Variants in NPFFR1 observed in about 807,000 individuals in gnomAD.
The protein encoded by NPFFR1 is G-protein coupled receptor 147.
NPFFR1 carries 17 observed loss-of-function variants against 12.7 expected under a neutral mutation model. The observed-to-expected ratio is 1.34, with a 90% confidence interval of 0.92 to 2.01. NPFFR1 has a LOEUF of 2.01. Among genes scored for constraint, NPFFR1 ranks in the 30% most tolerant of loss-of-function variants. The pLI, the probability that NPFFR1 is intolerant of heterozygous loss-of-function variation, is 0.00. For missense variants in NPFFR1, 604 were observed against 606.5 expected (o/e 1.00, Z 0.04); for synonymous variants, 296 against 264.5 (o/e 1.12, Z -1.16).
Position 70,249,440 on chromosome 10 carries a change from T to C in NPFFR1, c.*5517A>G, listed in dbSNP as rs993592238. The C allele has an allele frequency of 1.3e-5, 2 of 151,112 alleles. No homozygotes were observed. The highest frequency in any genetic ancestry group is 4.9e-5 in the African/African-American group (2 of 41,124). 9.4% of individuals were successfully genotyped at this position (151,112 alleles called of 1,614,324 possible). A position where few individuals can be genotyped will look rare whatever the true frequency, so the allele number is the denominator to read the frequency against. ...ATATTCACAAAAAAATCCCTTAGAG[T>C]TAGGGCAAGTTTTTGTGCTAAAGTC... On this transcript the variant is annotated 3_prime_UTR_variant, in exon 4 of 4. Transcript: ENST00000277942.
chr10:70,261,023 T>G (rs183174901), intron 2 of NPFFR1, among the ~76,000 whole-genome samples: 1 of 152,268 alleles, frequency 6.6e-6, no homozygotes. Flanking sequence ...CAGTCAGCCT[T>G]GCAGAACCTG....
rs191819029 is a variant in NPFFR1, at chr10:70,264,327, T to C, written c.322+1750A>G. Among the ~76,000 whole-genome samples, 758 of 120,200 alleles carry C rather than the reference T, an allele frequency of 6.3e-3. 11 individuals carry two copies. Among genetic ancestry groups the C allele is most frequent in the African/African-American group, 0.024 (715 of 30,008 alleles). The allele number at this position is 120,200 out of a possible 152,430, so 78.9% of individuals were successfully genotyped here. On this transcript the variant is annotated intron_variant, in intron 2 of 3. Coordinates refer to ENST00000277942, the MANE Select transcript of NPFFR1 (RefSeq NM_022146.5). ...AGGCGGAGGTTGCAGTGAGCCGAGA[T>C]CCCAGCACTGCATTCCAGCCCGGGT...
intron 3 of NPFFR1, among the ~76,000 whole-genome samples, chr10:70,257,344 C>G (rs1050568061): frequency 5.3e-5 from 8 of 152,318 alleles, no homozygotes; most frequent in African/African-American, 1.9e-4. Flanking sequence ...TTTGCCCCAG[C>G]CATTTTGACC....
chr10:70,264,387 AAAAGAAAGAAAAAAT>A (rs1840668261), intron 2 of NPFFR1, among the ~76,000 whole-genome samples: 1 of 148,758 alleles, frequency 6.7e-6, no homozygotes, highest in Non-Finnish European at 1.5e-5. Context: ...AAAAAAAAAA[AAAAGAAAGAAAAAAT>A]AGTGAAGCTG....
chr10:70,272,211 G>GAAAGAAAGAAAGAAAGGAA (rs10664195), intron 1 of NPFFR1, among the ~76,000 whole-genome samples: 15 of 55,846 alleles, frequency 2.7e-4, no homozygotes, highest in African/African-American at 1.0e-3. Flanking sequence ...AAGAAAGAAA[G>GAAAGAAAGAAAGAAAGGAA]GAAAGAAAGA....
At chr10:70,277,784 T>A (rs927281504) in intron 1 of NPFFR1, among the ~76,000 whole-genome samples, 1 of 152,144 alleles carries the variant, frequency 6.6e-6, no homozygotes, top group Admixed American at 6.5e-5. Context: ...GGGGAGCAGA[T>A]CTGATTTGCT....
At chr10:70,257,668 A>C (rs191118349) in intron 3 of NPFFR1, among the ~76,000 whole-genome samples, 1,816 of 152,348 alleles carry the variant, frequency 0.012, 54 homozygotes, top group African/African-American at 0.042. Flanking sequence ...GTGGATTAGT[A>C]AAAGAGGAAA....
At chr10:70,266,540 T>C in intron 1 of NPFFR1, 149 bp from the exon 2 acceptor site, 1 of 646,894 alleles carries the variant, frequency 1.5e-6, no homozygotes, top group Non-Finnish European at 2.7e-6. Flanking sequence ...CTTGATGCAC[T>C]GATCCAAGAC....
chr10:70,258,986 G>A (rs570871745), intron 3 of NPFFR1, among the ~76,000 whole-genome samples: 1 of 152,106 alleles, frequency 6.6e-6, no homozygotes, highest in Non-Finnish European at 1.5e-5. Flanking sequence ...TGACCTACTG[G>A]CTTCATACTT....
chr10:70,266,801 G>C (rs1190722197), intron 1 of NPFFR1, among the ~76,000 whole-genome samples: 1 of 152,354 alleles, frequency 6.6e-6, no homozygotes, highest in South Asian at 2.1e-4. Flanking sequence ...GGAGCAGAGA[G>C]AGAGGTCAGG....
Position 70,251,814 on chromosome 10 carries a change from T to C in NPFFR1, c.*3143A>G, listed in dbSNP as rs187226598. 1 of 152,332 alleles carries C rather than the reference T, an allele frequency of 6.6e-6. No homozygotes were observed. Among genetic ancestry groups the C allele is most frequent in the African/African-American group, 2.4e-5 (1 of 41,556 alleles). The allele number at this position is 152,332 out of a possible 1,614,324, so 9.4% of individuals were successfully genotyped here. ...TCAGAACATAGGAATCCAGTGAGGA[T>C]AATAAATCTATAATTATAAAATAGC... is the stretch of plus-strand genomic sequence containing the variant. On this transcript the variant is annotated 3_prime_UTR_variant, in exon 4 of 4. Transcript: ENST00000277942.
chr10:70,257,941 A>G (rs751801974), intron 3 of NPFFR1, among the ~76,000 whole-genome samples: 94 of 152,268 alleles, frequency 6.2e-4, no homozygotes, highest in Middle Eastern at 3.4e-3. Context: ...ATTATGACAT[A>G]GATTCTATTG....
chr10:70,270,112 T>C (rs1335127126), intron 1 of NPFFR1, among the ~76,000 whole-genome samples: 1 of 152,248 alleles, frequency 6.6e-6, no homozygotes, highest in Non-Finnish European at 1.5e-5. Flanking sequence ...ATCTTCCCTG[T>C]CTTGTTGGTG....
At chr10:70,263,641 A>G (rs542672318) in intron 2 of NPFFR1, among the ~76,000 whole-genome samples, 2 of 152,328 alleles carry the variant, frequency 1.3e-5, no homozygotes, top group East Asian at 3.9e-4. Context: ...CCTATGGGTC[A>G]GAGAAGAGAT....
intron 1 of NPFFR1, among the ~76,000 whole-genome samples, chr10:70,272,251 G>GAAAGAAAGA (rs11447906): frequency 0.19 from 8,325 of 43,140 alleles, 335 homozygotes; most frequent in Middle Eastern, 0.27. Context: ...AAAGAAGAAA[G>GAAAGAAAGA]AAGAAAGAAA....
At chr10:70,272,423 C>T (rs1433511201) in intron 1 of NPFFR1, among the ~76,000 whole-genome samples, 1 of 152,186 alleles carries the variant, frequency 6.6e-6, no homozygotes, top group Non-Finnish European at 1.5e-5. Flanking sequence ...TGAGAGGCTG[C>T]CAGTGAACCC....
chr10:70,278,486 T>C, intron 1 of NPFFR1, among the ~76,000 whole-genome samples: 1 of 152,218 alleles, frequency 6.6e-6, no homozygotes. Flanking sequence ...CTTGACTTTA[T>C]TGCCTTGTGG....
rs1418158215 is a variant in NPFFR1 at position 70,251,508 on chromosome 10, T to C, written c.*3449A>G. ...GTAAAGTCAAGAGGCCATTCATCAGTGGAGAGCCACAATGAGGGTGACCAC... is the reference window on the plus strand; with the variant it reads ...GTAAAGTCAAGAGGCCATTCATCAGCGGAGAGCCACAATGAGGGTGACCAC... On this transcript the variant is annotated 3_prime_UTR_variant, in exon 4 of 4. Transcript: ENST00000277942. 2.6e-5 allele frequency: 4 copies of C among 152,406 alleles called. No individual in the cohort carries two copies. The allele number at this position is 152,406 out of a possible 1,614,324, so 9.4% of individuals were successfully genotyped here.
intron 1 of NPFFR1, among the ~76,000 whole-genome samples, chr10:70,279,904 C>G (rs908585893): frequency 6.6e-6 from 1 of 152,232 alleles, no homozygotes; most frequent in Non-Finnish European, 1.5e-5. Flanking sequence ...TTCTCCCCCA[C>G]CACAGAGCCA....
Sources: gnomAD v4.1 joint callset for allele counts (sites outside exome capture counted in the v4.1 genomes callset) on GRCh38, gnomAD v4.1.1 for gene constraint, MANE v1.5 for transcripts, NCBI Gene and HGNC (gene_info 2026-07-23, HGNC 2026-07-21) for gene names.